TMEM178A: variants seen among roughly 807,000 people sequenced by gnomAD.
The protein encoded by TMEM178A is transmembrane protein 178.
TMEM178A carries 12 observed loss-of-function variants against 29.1 expected under a neutral mutation model. That is an observed-to-expected ratio of 0.41 (90% CI 0.26 to 0.67). TMEM178A has a LOEUF of 0.67. TMEM178A is among the 30% of genes least tolerant of loss of function. TMEM178A has a pLI of 0.29. For synonymous variants in TMEM178A, 210 were observed against 187.2 expected (o/e 1.12, Z -0.99); for missense variants, 366 against 419.1 (o/e 0.87, Z 1.11).
chr2:39,719,900 A>G (rs72936044), downstream of TMEM178A, among the ~76,000 whole-genome samples: 3,533 of 152,278 alleles, frequency 0.023, 133 homozygotes, highest in African/African-American at 0.08. Context: ...TTTCTTATAT[A>G]GTCAACAAAT....
At position 39,666,145 on chromosome 2, in the gene TMEM178A, C is replaced by T. The variant is rs1018422610; in HGVS notation, c.171C>T (p.Asn57=). ...RAGADPPDQK[N]RLMPLSHLPL... ...GCGCCGACCCCCCGGACCAGAAGAA[C>T]CGCCTGATGCCGCTGTCGCACCTGC... Residue 57 remains asparagine, a synonymous_variant, in exon 1 of 4, where the codon AAC becomes AAT. Coordinates refer to ENST00000281961, the MANE Select transcript of TMEM178A (RefSeq NM_152390.3). 12 of 1,516,738 alleles carry T rather than the reference C, an allele frequency of 7.9e-6. No homozygotes were observed. In the Admixed American group the frequency reaches 1.7e-4, roughly 22 times the overall value. The allele number at this position is 1,516,738 out of a possible 1,614,324, so 94.0% of individuals were successfully genotyped here.
At chr2:39,688,665 A>C (rs1213826779) in intron 1 of TMEM178A, among the ~76,000 whole-genome samples, 3 of 152,262 alleles carry the variant, frequency 2.0e-5, no homozygotes, top group Non-Finnish European at 2.9e-5. Context: ...AGTCTTTTCA[A>C]CTTTGCTTTA....
At chr2:39,724,065 T>C in the TMEM178A span, among the ~76,000 whole-genome samples, 1 of 152,216 alleles carries the variant, frequency 6.6e-6, no homozygotes, top group Non-Finnish European at 1.5e-5. Context: ...CTTACGTGAC[T>C]GACCTTCAAG....
chr2:39,724,585 T>G, the TMEM178A span, among the ~76,000 whole-genome samples: 1 of 152,174 alleles, frequency 6.6e-6, no homozygotes, highest in African/African-American at 2.4e-5. Context: ...TTTTATTATA[T>G]CTCAAGGAAA....
chr2:39,703,920 T>G (rs1671907894), intron 1 of TMEM178A, among the ~76,000 whole-genome samples, 161 bp from the exon 2 acceptor site: 1 of 152,246 alleles, frequency 6.6e-6, no homozygotes, highest in Non-Finnish European at 1.5e-5. Context: ...AAACCTGATT[T>G]TAAACATTAT....
downstream of TMEM178A, among the ~76,000 whole-genome samples, chr2:39,718,197 C>G (rs985581474): frequency 3.3e-5 from 5 of 152,076 alleles, no homozygotes; most frequent in African/African-American, 4.8e-5. Flanking sequence ...TTTTCTTCTT[C>G]TCCTTCTCTT....
chr2:39,728,218 G>C, the TMEM178A span, among the ~76,000 whole-genome samples: 1 of 151,988 alleles, frequency 6.6e-6, no homozygotes, highest in Non-Finnish European at 1.5e-5. Context: ...ATCCTCTCCA[G>C]AATCTGTTTC....
the TMEM178A span, among the ~76,000 whole-genome samples, chr2:39,728,806 G>A: frequency 1.3e-5 from 2 of 152,052 alleles, no homozygotes; most frequent in Non-Finnish European, 2.9e-5. Context: ...AAAGATGTAT[G>A]TAAGGCTTAG....
chr2:39,702,531 C>G (rs1671828592), intron 1 of TMEM178A, among the ~76,000 whole-genome samples: 2 of 152,036 alleles, frequency 1.3e-5, no homozygotes, highest in African/African-American at 4.8e-5. Context: ...CTTTATCTGT[C>G]ATTGTTCTCA....
chr2:39,728,783 TTTC>T, the TMEM178A span, among the ~76,000 whole-genome samples: 2 of 152,174 alleles, frequency 1.3e-5, no homozygotes, highest in African/African-American at 2.4e-5. Context: ...CTACACGTTT[TTTC>T]TTTTCTCCTA....
At chr2:39,735,621 T>G in the TMEM178A span, among the ~76,000 whole-genome samples, 1 of 152,240 alleles carries the variant, frequency 6.6e-6, no homozygotes, top group African/African-American at 2.4e-5. Flanking sequence ...TTGAAACCCC[T>G]CAGAGTATCA....
At chr2:39,670,039 A>T (rs977347803) in intron 1 of TMEM178A, among the ~76,000 whole-genome samples, 15 of 152,202 alleles carry the variant, frequency 9.9e-5, no homozygotes, top group African/African-American at 3.6e-4. Flanking sequence ...GATGCTGAGG[A>T]AGCTTTGCTG....
At chr2:39,732,968 GTTTA>G in the TMEM178A span, among the ~76,000 whole-genome samples, 1 of 152,162 alleles carries the variant, frequency 6.6e-6, no homozygotes, top group Non-Finnish European at 1.5e-5. Context: ...TATTGCCTTT[GTTTA>G]TTTCGGTAAG....
At chr2:39,735,726 T>C in the TMEM178A span, among the ~76,000 whole-genome samples, 2 of 152,208 alleles carry the variant, frequency 1.3e-5, no homozygotes, top group South Asian at 2.1e-4. Flanking sequence ...AGGTGGCTCT[T>C]AGAATTTCCT....
At chr2:39,674,036 C>T (rs1670511506) in intron 1 of TMEM178A, among the ~76,000 whole-genome samples, 1 of 151,986 alleles carries the variant, frequency 6.6e-6, no homozygotes, top group African/African-American at 2.4e-5. Flanking sequence ...TAAGTTCTCA[C>T]AATTTTGAAA....
the TMEM178A span, among the ~76,000 whole-genome samples, chr2:39,723,435 A>T: frequency 6.6e-6 from 1 of 152,250 alleles, no homozygotes; most frequent in Non-Finnish European, 1.5e-5. Context: ...ATAAGTAAAT[A>T]AATAAAGCAC....
intron 1 of TMEM178A, among the ~76,000 whole-genome samples, chr2:39,672,334 T>C (rs1241933022): frequency 6.6e-6 from 1 of 152,194 alleles, no homozygotes; most frequent in Non-Finnish European, 1.5e-5. Flanking sequence ...CTATGTTTCA[T>C]GGATAACATT....
At chr2:39,669,175 G>C (rs767491063) in intron 1 of TMEM178A, among the ~76,000 whole-genome samples, 1 of 152,130 alleles carries the variant, frequency 6.6e-6, no homozygotes, top group Non-Finnish European at 1.5e-5. Flanking sequence ...CTCAAGAACT[G>C]TCTGGCATGC....
In TMEM178A at chr2:39,717,041, T is replaced by C. The variant is rs758590980; in HGVS notation, c.684T>C (p.Tyr228=). ...TTTGCACCATTTCCCTCTGTACTTA[T>C]GCCGCCAGTATCTCGTATGATTTGA... ...GIFCTISLCT[Y]AASISYDLNR... is the part of the protein sequence containing the mutation. The change falls in exon 4 of 4, where the codon TAT becomes TAC. Residue 228 remains tyrosine (Y), a synonymous_variant. Coordinates refer to ENST00000281961, the MANE Select transcript of TMEM178A (RefSeq NM_152390.3). The C allele has an allele frequency of 1.9e-6, 3 of 1,611,186 alleles. No homozygotes were observed. Among genetic ancestry groups the C allele is most frequent in the African/African-American group, 2.7e-5 (2 of 73,730 alleles).
Sources: gnomAD v4.1 joint callset for allele counts (sites outside exome capture counted in the v4.1 genomes callset) on GRCh38, gnomAD v4.1.1 for gene constraint, MANE v1.5 for transcripts, NCBI Gene and HGNC (gene_info 2026-07-23, HGNC 2026-07-21) for gene names.